Variants in OXR1 observed in about 807,000 individuals in gnomAD.
OXR1 encodes the protein oxidation resistance protein 1.
Under a neutral mutation model 104.6 loss-of-function variants are expected in OXR1, and 41 were observed. The ratio of observed to expected loss-of-function variants is 0.39; its 90% CI spans 0.31 to 0.51. The LOEUF (loss-of-function observed/expected upper bound fraction) is 0.51. Among genes scored for constraint, OXR1 ranks in the 20% least tolerant of loss-of-function variants. The pLI is 0.77. For synonymous variants in OXR1, 348 were observed against 348.4 expected (o/e 1.00, Z 0.01); for missense variants, 955 against 1,031.9 (o/e 0.93, Z 1.02).
At chr8:106,396,700 G>T (rs1434732824) in intron 2 of OXR1, among the ~76,000 whole-genome samples, 1 of 151,804 alleles carries the variant, frequency 6.6e-6, no homozygotes, top group African/African-American at 2.4e-5. Context: ...AAGTAATTGT[G>T]CTTTTTGCCA....
intron 2 of OXR1, among the ~76,000 whole-genome samples, chr8:106,360,183 G>A (rs1215320109): frequency 1.3e-5 from 2 of 151,932 alleles, no homozygotes; most frequent in South Asian, 2.1e-4. Context: ...AGCTGTTTGG[G>A]ATTTAAAAAA....
chr8:106,745,590 A>G (rs1423230121), intron 15 of OXR1, among the ~76,000 whole-genome samples, 199 bp from the exon 16 acceptor site: 1 of 152,188 alleles, frequency 6.6e-6, no homozygotes, highest in African/African-American at 2.4e-5. Flanking sequence ...AAGTTAAGTG[A>G]TAGAGTGTGT....
intron 2 of OXR1, among the ~76,000 whole-genome samples, chr8:106,390,084 GT>G (rs1817534079): frequency 2.0e-5 from 3 of 151,964 alleles, no homozygotes; most frequent in Non-Finnish European, 4.4e-5. Flanking sequence ...ATTATCCATT[GT>G]GGATGAAAGT....
Position 106,692,867 on chromosome 8 carries a change from C to G in OXR1, c.665C>G (p.Thr222Ser). ...CTTAAAATTAATTGCAAATATATTA[C>G]CAGTGGCAAGGTAAAGAATGACACT... ...KFLKINCKYI[T>S]SGKGTVSGVL... The change falls in exon 7 of 17, where the codon ACC becomes AGC. Residue 222 changes from threonine to serine, a missense_variant. Transcript: ENST00000517566. 1 of 1,597,866 alleles carries G rather than the reference C, an allele frequency of 6.3e-7. No homozygotes were observed. The highest frequency in any genetic ancestry group is 8.5e-7 in the Non-Finnish European group (1 of 1,169,692).
In OXR1 at chr8:106,651,118, T is replaced by A. The variant is rs191417640; in HGVS notation, c.221-28092T>A. ...CCTGCAAAATGACCCTCTTTGATGA[T>A]CCTGCAAAACGGTAGTACCATTATT... On this transcript the variant is annotated intron_variant, in intron 3 of 16. Transcript: ENST00000517566. Among the ~76,000 whole-genome samples, 4 of 152,294 alleles carry A rather than the reference T, an allele frequency of 2.6e-5. No individual in the cohort carries two copies. In the East Asian group the frequency reaches 7.7e-4, roughly 29 times the overall value.
Position 106,740,435 on chromosome 8 carries a change from T to C in OXR1, c.2256T>C (p.Tyr752=). The C allele has an allele frequency of 6.2e-7, 1 of 1,613,390 alleles. No homozygotes were observed. Among genetic ancestry groups the C allele is most frequent in the East Asian group, 2.2e-5 (1 of 44,810 alleles). Residue 752 remains tyrosine (Y), a synonymous_variant, in exon 14 of 17, where the codon TAT becomes TAC. Transcript: ENST00000517566. ...ATGGCACAAGCTTGAAAACTCTTTATCGAACAATGACAGGTTTAGACACCC... is the reference window on the plus strand; with the variant it reads ...ATGGCACAAGCTTGAAAACTCTTTACCGAACAATGACAGGTTTAGACACCC... The part of the protein sequence containing the change: ...GKHGTSLKTL[Y]RTMTGLDTPV...
intron 3 of OXR1, among the ~76,000 whole-genome samples, chr8:106,677,797 C>G (rs1435945718): frequency 6.6e-6 from 1 of 151,856 alleles, no homozygotes; most frequent in African/African-American, 2.4e-5. Context: ...ACTATTTTTC[C>G]TAGAGTTGTA....
At chr8:106,621,842 C>T (rs995264306) in intron 3 of OXR1, among the ~76,000 whole-genome samples, 2 of 152,150 alleles carry the variant, frequency 1.3e-5, no homozygotes, top group Non-Finnish European at 2.9e-5. Flanking sequence ...GTCTAAATCA[C>T]TTTATTTCCA....
chr8:106,384,332 CAAAG>C (rs1817279064), intron 2 of OXR1, among the ~76,000 whole-genome samples: 3 of 152,154 alleles, frequency 2.0e-5, no homozygotes, highest in Admixed American at 2.0e-4. Context: ...GACATGCACA[CAAAG>C]AAGTCACTGC....
rs1000290796 is a variant in OXR1 at position 106,588,172 on chromosome 8, G to T, written c.220+69033G>T. On this transcript the variant is annotated intron_variant, in intron 3 of 16. Transcript: ENST00000517566. ...GATGGGGTTTCACCATGTTAGCCAGGATGGTCTCGATCTCCTGACCTCGTG... is the reference window on the plus strand; with the variant it reads ...GATGGGGTTTCACCATGTTAGCCAGTATGGTCTCGATCTCCTGACCTCGTG... 2.6e-5 allele frequency among the ~76,000 whole-genome samples: 4 copies of T among 152,154 alleles called. 1 individual carries two copies. The Middle Eastern group carries it at 0.014, about 518-fold the overall frequency.
chr8:106,371,845 G>C (rs113460751), intron 2 of OXR1, among the ~76,000 whole-genome samples: 4,205 of 152,300 alleles, frequency 0.028, 69 homozygotes, highest in African/African-American at 0.04. Flanking sequence ...CAGGTGTGTT[G>C]GGCTGTGGGG....
intron 1 of OXR1, among the ~76,000 whole-genome samples, chr8:106,289,707 C>T (rs190806975): frequency 9.5e-4 from 144 of 152,186 alleles, no homozygotes; most frequent in Admixed American, 2.0e-3. Flanking sequence ...CAAAACAACA[C>T]GGTACTGGTA....
chr8:106,415,676 T>A (rs1818648592), intron 2 of OXR1, among the ~76,000 whole-genome samples: 1 of 151,572 alleles, frequency 6.6e-6, no homozygotes, highest in African/African-American at 2.4e-5. Flanking sequence ...TAAGACACAC[T>A]CTTTTTAATA....
chr8:106,394,876 C>T lies in OXR1; in HGVS notation c.23+35240C>T, dbSNP rs185399392. 1.0e-3 allele frequency among the ~76,000 whole-genome samples: 153 copies of T among 152,114 alleles called. 1 individual carries two copies. Among genetic ancestry groups the T allele is most frequent in the Middle Eastern group, 3.4e-3 (1 of 294 alleles). ...TCTCGAAGTCCACAGAACTGTGCAT[C>T]GTGAGTGTGAACTTTAGATATGCAA... On this transcript the variant is annotated intron_variant, in intron 2 of 16. Coordinates refer to ENST00000517566, the MANE Select transcript of OXR1 (RefSeq NM_001198533.2).
chr8:106,379,988 T>G (rs144113382), intron 2 of OXR1, among the ~76,000 whole-genome samples: 2,094 of 152,270 alleles, frequency 0.014, 18 homozygotes, highest in Non-Finnish European at 0.019. Context: ...GCTAAGCAAT[T>G]TAATATCTTT....
At chr8:106,442,550 T>C (rs1819830892) in intron 2 of OXR1, among the ~76,000 whole-genome samples, 1 of 151,828 alleles carries the variant, frequency 6.6e-6, no homozygotes, top group African/African-American at 2.4e-5. Context: ...GGTCCTGGGC[T>C]TTTTTTTCGT....
At chr8:106,519,676 C>T (rs1227750849) in intron 3 of OXR1, among the ~76,000 whole-genome samples, 1 of 152,132 alleles carries the variant, frequency 6.6e-6, no homozygotes, top group Non-Finnish European at 1.5e-5. Context: ...TGACCTTGCA[C>T]CTTGCTTTAC....
intron 3 of OXR1, among the ~76,000 whole-genome samples, chr8:106,574,563 C>G (rs904072059): frequency 1.3e-5 from 2 of 152,200 alleles, no homozygotes; most frequent in African/African-American, 4.8e-5. Context: ...ACAGTTAAAC[C>G]CTGTATCTTC....
chr8:106,422,551 T>C (rs1318786166), intron 2 of OXR1, among the ~76,000 whole-genome samples: 3 of 152,114 alleles, frequency 2.0e-5, no homozygotes, highest in Non-Finnish European at 4.4e-5. Context: ...CTAATAGTAA[T>C]AATATCTTCA....
Sources: allele counts gnomAD v4.1 joint callset (sites outside exome capture counted in the v4.1 genomes callset), GRCh38; gene constraint gnomAD v4.1.1; transcripts MANE v1.5; gene names NCBI Gene and HGNC (gene_info 2026-07-23, HGNC 2026-07-21).